GREB1L: variants seen among roughly 807,000 people sequenced by gnomAD.
GREB1L encodes GREB1 like retinoic acid receptor coactivator.
GREB1L carries 17 observed loss-of-function variants against 200.8 expected under a neutral mutation model. The ratio of observed to expected loss-of-function variants is 0.08; its 90% CI spans 0.06 to 0.13. The LOEUF (loss-of-function observed/expected upper bound fraction) is 0.13, where lower values mean the gene tolerates loss of function less well. Among genes scored for constraint, GREB1L ranks in the 10% least tolerant of loss-of-function variants. The probability of loss-of-function intolerance (pLI) is 1.00; values close to 1 mark genes in which losing one functional copy is unlikely to be tolerated. For missense variants in GREB1L, 1,657 were observed against 2,367.7 expected, an observed-to-expected ratio of 0.70 and a Z score of 6.23; for synonymous variants, 789 against 893.0, an observed-to-expected ratio of 0.88 and a Z score of 2.08.
chr18:21,345,731 GC>G (rs1374070347), intron 1 of GREB1L, among the ~76,000 whole-genome samples: 1 of 152,016 alleles, frequency 6.6e-6, no homozygotes, highest in Non-Finnish European at 1.5e-5. Flanking sequence ...AATGAGCCAA[GC>G]ATGGTGGCAT....
chr18:21,451,313 G>A, intron 13 of GREB1L, 162 bp downstream of exon 13: 1 of 718,074 alleles, frequency 1.4e-6, no homozygotes, highest in Non-Finnish European at 2.2e-6. Flanking sequence ...ACCACAGGAA[G>A]CAGTAAGGGG....
chr18:21,311,485 A>G (rs2038789265), intron 1 of GREB1L, among the ~76,000 whole-genome samples: 1 of 152,194 alleles, frequency 6.6e-6, no homozygotes, highest in Non-Finnish European at 1.5e-5. Flanking sequence ...GCAAATGAAC[A>G]TATTTCCACA....
In GREB1L at chr18:21,393,811, C is replaced by T. The variant is rs553161770; in HGVS notation, c.356-1574C>T. On this transcript the variant is annotated intron_variant, in intron 4 of 32. Transcript: ENST00000424526. ...CCGCAACCTTAAGTGATCCACCCAC[C>T]TCGGCCTCCGAAAGTGCTGGGATTA... Among the ~76,000 whole-genome samples the T allele has an allele frequency of 6.6e-5, 10 of 152,130 alleles. No homozygotes were observed. The South Asian group carries it at 2.1e-3, about 32-fold the overall frequency.
chr18:21,517,814 T>G (rs10853668), intron 30 of GREB1L, among the ~76,000 whole-genome samples: 101,820 of 151,996 alleles, frequency 0.67, 37,651 homozygotes, highest in Non-Finnish European at 0.85. Flanking sequence ...AAGCCTGCTT[T>G]CTTCTGCCCT....
At chr18:21,303,930 A>G (rs2038658985) in intron 1 of GREB1L, among the ~76,000 whole-genome samples, 1 of 152,308 alleles carries the variant, frequency 6.6e-6, no homozygotes, top group African/African-American at 2.4e-5. Context: ...TGTGTTGGGG[A>G]ACAGCCTAGT....
At chr18:21,353,615 T>C (rs2039465316) in intron 1 of GREB1L, among the ~76,000 whole-genome samples, 1 of 152,244 alleles carries the variant, frequency 6.6e-6, no homozygotes, top group Admixed American at 6.5e-5. Flanking sequence ...AAACTTTCAC[T>C]ATAACATAAT....
At chr18:21,349,929 A>C (rs546480118) in intron 1 of GREB1L, among the ~76,000 whole-genome samples, 1 of 152,300 alleles carries the variant, frequency 6.6e-6, no homozygotes, top group South Asian at 2.1e-4. Context: ...CTTCCACGAA[A>C]CCAGTGCCTG....
chr18:21,417,332 G>A (rs1180955979), intron 7 of GREB1L, among the ~76,000 whole-genome samples: 2 of 151,958 alleles, frequency 1.3e-5, no homozygotes, highest in Non-Finnish European at 2.9e-5. Flanking sequence ...GACCAGGCTG[G>A]CCGACATGGT....
chr18:21,348,693 T>C (rs2143220919), intron 1 of GREB1L, among the ~76,000 whole-genome samples: 1 of 152,098 alleles, frequency 6.6e-6, no homozygotes, highest in South Asian at 2.1e-4. Flanking sequence ...GAGAATCGCT[T>C]GAACCCGGGA....
At chr18:21,352,238 T>G (rs1173022083) in intron 1 of GREB1L, among the ~76,000 whole-genome samples, 1 of 152,186 alleles carries the variant, frequency 6.6e-6, no homozygotes, top group Non-Finnish European at 1.5e-5. Context: ...ATATTTGTAG[T>G]CTTTACTATG....
chr18:21,255,763 CAG>C (rs2037790330), intron 1 of GREB1L, among the ~76,000 whole-genome samples: 2 of 152,252 alleles, frequency 1.3e-5, no homozygotes, highest in South Asian at 4.1e-4. Flanking sequence ...CTAATTGTCT[CAG>C]AAAGTATTCT....
At chr18:21,300,828 G>A (rs1567927872) in intron 1 of GREB1L, among the ~76,000 whole-genome samples, 1 of 152,096 alleles carries the variant, frequency 6.6e-6, no homozygotes, top group Non-Finnish European at 1.5e-5. Context: ...AGGGGTGGTG[G>A]GGGGAGGGAG....
At chr18:21,316,134 A>C (rs2038864943) in intron 1 of GREB1L, among the ~76,000 whole-genome samples, 1 of 152,144 alleles carries the variant, frequency 6.6e-6, no homozygotes, top group Non-Finnish European at 1.5e-5. Context: ...CGCCCATCAC[A>C]TGATGAGGAA....
intron 4 of GREB1L, among the ~76,000 whole-genome samples, chr18:21,387,927 G>A (rs977010647): frequency 5.9e-5 from 9 of 152,024 alleles, no homozygotes; most frequent in African/African-American, 1.5e-4. Flanking sequence ...TTTTACTCTC[G>A]TAGGGATCCC....
chr18:21,292,420 G>A (rs1362814012), intron 1 of GREB1L, among the ~76,000 whole-genome samples: 1 of 152,174 alleles, frequency 6.6e-6, no homozygotes, highest in Non-Finnish European at 1.5e-5. Flanking sequence ...GGTGTTATTT[G>A]TATATTCAGA....
chr18:21,402,472 T>G (rs1270927633), intron 6 of GREB1L, among the ~76,000 whole-genome samples: 7 of 151,356 alleles, frequency 4.6e-5, no homozygotes, highest in Non-Finnish European at 1.0e-4. Context: ...TCCTTTCCCT[T>G]TTTCTTTCTT....
chr18:21,476,112 A>T (rs1282896231), intron 16 of GREB1L, among the ~76,000 whole-genome samples: 1 of 151,852 alleles, frequency 6.6e-6, no homozygotes, highest in Non-Finnish European at 1.5e-5. Context: ...GGGGTGGCAA[A>T]TAGTCATCGT....
At chr18:21,444,179 T>TA in intron 10 of GREB1L, 45 bp from the exon 11 acceptor site, 1 of 1,405,714 alleles carries the variant, frequency 7.1e-7, no homozygotes, top group Non-Finnish European at 9.7e-7. Context: ...GGTTGGACCA[T>TA]AAAAAGAAAT....
At chr18:21,453,562 A>G (rs1219468627) in intron 14 of GREB1L, among the ~76,000 whole-genome samples, 11 of 152,230 alleles carry the variant, frequency 7.2e-5, no homozygotes, top group Admixed American at 5.9e-4. Context: ...ATGTGCATGC[A>G]CGTATAAGAA....
Sources: gnomAD v4.1 joint callset for allele counts (sites outside exome capture counted in the v4.1 genomes callset) on GRCh38, gnomAD v4.1.1 for gene constraint, MANE v1.5 for transcripts, NCBI Gene and HGNC (gene_info 2026-07-23, HGNC 2026-07-21) for gene names.